Variants in ZNF880 observed in about 807,000 individuals in gnomAD.
ZNF880 encodes the protein zinc finger protein 880, also known as zinc finger protein LOC400713.
ZNF880 carries 12 observed loss-of-function variants against 11.8 expected under a neutral mutation model. That is an observed-to-expected ratio of 1.02 (90% confidence interval 0.65 to 1.65). The LOEUF (loss-of-function observed/expected upper bound fraction) is 1.65, where lower values mean the gene tolerates loss of function less well. Ranked by LOEUF, ZNF880 falls within the 40% of genes most tolerant of loss-of-function variation. ZNF880 has a pLI of 0.00. For synonymous variants in ZNF880, 210 were observed against 232.4 expected (o/e 0.90, Z 0.88); for missense variants, 601 against 673.9 (o/e 0.89, Z 1.20).
chr19:52,389,521 G>A (rs981949231), downstream of ZNF880: 2 of 152,174 alleles, frequency 1.3e-5, no homozygotes, highest in African/African-American at 2.4e-5. Context: ...GGTTCCAGTG[G>A]TCTTGCAGGG....
rs1223056385 is a variant in ZNF880 at position 52,372,745 on chromosome 19, C to CA, written c.13-351dup. On this transcript the variant is annotated intron_variant, in intron 1 of 3. Coordinates refer to ENST00000422689, the MANE Select transcript of ZNF880 (RefSeq NM_001145434.2). ...TGAAACCGCATCTCTACTAACAATA[C>CA]AAAAAAAAAAAAAAATTAGCTGGGC... Among the ~76,000 whole-genome samples, 732 of 108,390 alleles carry CA rather than the reference C, an allele frequency of 6.8e-3. 12 individuals are homozygous for CA. In the East Asian group the frequency reaches 0.076, roughly 11 times the overall value. The allele number at this position is 108,390 out of a possible 152,430, so 71.1% of individuals were successfully genotyped here.
the ZNF880 span, among the ~76,000 whole-genome samples, chr19:52,393,544 A>T: frequency 6.6e-6 from 1 of 152,094 alleles, no homozygotes; most frequent in African/African-American, 2.4e-5. Flanking sequence ...AGTGATACCA[A>T]TCTTTTGTTG....
chr19:52,381,636 T>A (rs1986708281), intron 3 of ZNF880, among the ~76,000 whole-genome samples: 1 of 92,424 alleles, frequency 1.1e-5, no homozygotes, highest in East Asian at 2.3e-4. Context: ...GTAGATTTTT[T>A]AAATCTTGTA....
the ZNF880 span, chr19:52,392,755 G>C: frequency 4.4e-6 from 1 of 228,548 alleles, no homozygotes; most frequent in African/African-American, 2.3e-5. Flanking sequence ...AAAAAATCCA[G>C]ATGGGAGGGA....
chr19:52,386,259 AG>A (rs1322194965), downstream of ZNF880, among the ~76,000 whole-genome samples: 1 of 142,562 alleles, frequency 7.0e-6, no homozygotes, highest in Non-Finnish European at 1.5e-5. Flanking sequence ...CAGTTTGCCG[AG>A]GAAGAAGGAC....
At chr19:52,378,670 A>G (rs1986624462) in intron 3 of ZNF880, among the ~76,000 whole-genome samples, 1 of 151,498 alleles carries the variant, frequency 6.6e-6, no homozygotes, top group South Asian at 2.1e-4. Context: ...AAAAAAAGAA[A>G]GATCCTTTAT....
intron 3 of ZNF880, among the ~76,000 whole-genome samples, chr19:52,376,967 G>T (rs1281334980): frequency 6.6e-6 from 1 of 152,008 alleles, no homozygotes; most frequent in Non-Finnish European, 1.5e-5. Flanking sequence ...TATTTCTTTT[G>T]CTGTGTCATA....
the ZNF880 span, among the ~76,000 whole-genome samples, chr19:52,394,544 T>C: frequency 4.8e-3 from 732 of 151,960 alleles, 10 homozygotes; most frequent in African/African-American, 0.017. Context: ...TGATGAAATA[T>C]ACGATATTTT....
At chr19:52,374,916 T>TG (rs1394056820) in intron 3 of ZNF880, among the ~76,000 whole-genome samples, 6 of 152,032 alleles carry the variant, frequency 3.9e-5, no homozygotes, top group Non-Finnish European at 8.8e-5. Flanking sequence ...TAAAAAATCT[T>TG]TTGTGGAGAT....
At chr19:52,369,806 C>A, upstream of ZNF880, 1 of 802,874 alleles carries the variant, frequency 1.2e-6, no homozygotes, top group South Asian at 1.6e-5. Context: ...TTCTTCCAGT[C>A]TCCACGGCAG....
chr19:52,394,003 A>AT, the ZNF880 span, among the ~76,000 whole-genome samples: 2 of 141,342 alleles, frequency 1.4e-5, no homozygotes, highest in African/African-American at 2.8e-5. Context: ...CACCTGGCTA[A>AT]TTTTTTTGTA....
chr19:52,374,032 G>A (rs925222828), intron 2 of ZNF880, among the ~76,000 whole-genome samples: 1 of 151,448 alleles, frequency 6.6e-6, no homozygotes. Context: ...CTTGCATTTT[G>A]GAGATGCCAC....
At chr19:52,395,670 T>C in the ZNF880 span, 7 of 152,174 alleles carry the variant, frequency 4.6e-5, no homozygotes, top group East Asian at 1.2e-3. Flanking sequence ...TCTGTATGTG[T>C]TCAACTTGCA....
upstream of ZNF880, chr19:52,367,703 C>CA (rs1214624474): frequency 1.8e-5 from 1 of 56,772 alleles, no homozygotes; most frequent in Non-Finnish European, 3.7e-5. Context: ...TGGGTAAAGT[C>CA]AAAATCACTT....
rs1160793398 is a variant in ZNF880 at position 52,385,553 on chromosome 19, T to C, written c.*239T>C. 1.0e-5 allele frequency: 5 copies of C among 490,826 alleles called. No individual in the cohort carries two copies. In the Admixed American group the frequency reaches 1.8e-4, roughly 18 times the overall value. The allele number at this position is 490,826 out of a possible 1,614,324, so 30.4% of individuals were successfully genotyped here. A position where few individuals can be genotyped will look rare whatever the true frequency, so the allele number is the denominator to read the frequency against. ...TACATCTTGGATGAAACCATACAGA[T>C]GGATTATGTATGCTGAGGCTATTAT... On this transcript the variant is annotated 3_prime_UTR_variant, in exon 4 of 4. Coordinates refer to ENST00000422689, the MANE Select transcript of ZNF880 (RefSeq NM_001145434.2).
chr19:52,388,272 G>A (rs183581294), downstream of ZNF880, among the ~76,000 whole-genome samples: 394 of 83,230 alleles, frequency 4.7e-3, 2 homozygotes, highest in African/African-American at 0.021. Context: ...AACATTTTTG[G>A]CAATTTGAAC....
At chr19:52,371,464 C>T (rs1986370304) in intron 1 of ZNF880, among the ~76,000 whole-genome samples, 2 of 152,084 alleles carry the variant, frequency 1.3e-5, no homozygotes, top group African/African-American at 4.8e-5. Context: ...CAAACTCTGC[C>T]TCCCGGGTTC....
chr19:52,397,053 C>T, the ZNF880 span: 1 of 152,154 alleles, frequency 6.6e-6, no homozygotes, highest in Admixed American at 6.5e-5. Flanking sequence ...TGAGTGCCTG[C>T]CACTGTACTC....
intron 3 of ZNF880, among the ~76,000 whole-genome samples, chr19:52,380,349 C>A: frequency 6.6e-6 from 1 of 151,478 alleles, no homozygotes; most frequent in African/African-American, 2.4e-5. Context: ...GAGATGATAG[C>A]TCATTGTGTT....
Sources: gnomAD v4.1 joint callset for allele counts (sites outside exome capture counted in the v4.1 genomes callset) on GRCh38, gnomAD v4.1.1 for gene constraint, MANE v1.5 for transcripts, NCBI Gene and HGNC (gene_info 2026-07-23, HGNC 2026-07-21) for gene names.